EDNRA: variants seen among roughly 807,000 people sequenced by gnomAD.
The protein encoded by EDNRA is endothelin-1 receptor.
A neutral mutation model predicts 41.4 loss-of-function variants in EDNRA; 11 were observed. The ratio of observed to expected loss-of-function variants is 0.27; its 90% CI spans 0.17 to 0.44. The LOEUF (loss-of-function observed/expected upper bound fraction) is 0.44. Ranked by LOEUF, EDNRA falls within the 20% of genes least tolerant of loss-of-function variation. EDNRA has a pLI of 1.00. For synonymous variants in EDNRA, 172 were observed against 183.0 expected, an observed-to-expected ratio of 0.94 and a Z score of 0.49; for missense variants, 294 against 531.0, an observed-to-expected ratio of 0.55 and a Z score of 4.39.
At chr4:147,531,738 G>A (rs993433317) in intron 3 of EDNRA, 2 of 152,484 alleles carry the variant, frequency 1.3e-5, no homozygotes, top group Admixed American at 6.5e-5. Flanking sequence ...CGGGTGTGGT[G>A]GCTCACGCCT....
At chr4:147,515,856 G>A (rs1284315440) in intron 2 of EDNRA, among the ~76,000 whole-genome samples, 1 of 152,178 alleles carries the variant, frequency 6.6e-6, no homozygotes, top group African/African-American at 2.4e-5. Context: ...GTGCATATCA[G>A]TGTATCATAT....
intron 3 of EDNRA, among the ~76,000 whole-genome samples, chr4:147,529,432 G>A (rs996707636): frequency 1.3e-5 from 2 of 152,164 alleles, no homozygotes; most frequent in Non-Finnish European, 1.5e-5. Context: ...AGAGCGCATA[G>A]ACAGAAAAAA....
At chr4:147,536,914 T>A (rs1158422905) in intron 5 of EDNRA, among the ~76,000 whole-genome samples, 2 of 152,214 alleles carry the variant, frequency 1.3e-5, no homozygotes, top group Non-Finnish European at 1.5e-5. Flanking sequence ...ATAATATGTA[T>A]GTAATAATAC....
rs567139026 is a variant in EDNRA, at chr4:147,521,990, C to T, written c.548+2012C>T. Among the ~76,000 whole-genome samples, 8 of 152,150 alleles carry T rather than the reference C, an allele frequency of 5.3e-5. No individual in the cohort carries two copies. In the South Asian group the frequency reaches 1.7e-3, roughly 32 times the overall value. ...AATGTTTTAAACAATGTAATGCAAA[C>T]CCATGAACACACTGACAAATCAGTG... On this transcript the variant is annotated intron_variant, in intron 3 of 7. Coordinates refer to ENST00000651419, the MANE Select transcript of EDNRA (RefSeq NM_001957.4).
At chr4:147,536,074 C>A (rs749846484) in intron 5 of EDNRA, 45 bp downstream of exon 5, 3 of 1,607,184 alleles carry the variant, frequency 1.9e-6, no homozygotes, top group Non-Finnish European at 1.7e-6. Flanking sequence ...ACTGGTTAGT[C>A]CTTGACAGCA....
Position 147,542,688 on chromosome 4 carries a change from G to C in EDNRA, c.*70G>C, listed in dbSNP as rs5335. 0.44 allele frequency: 679,824 copies of C among 1,558,976 alleles called. 155,202 individuals carry two copies. The highest frequency in any genetic ancestry group is 0.73 in the African/African-American group (54,011 of 73,778). On this transcript the variant is annotated 3_prime_UTR_variant, in exon 8 of 8. Coordinates refer to ENST00000651419, the MANE Select transcript of EDNRA (RefSeq NM_001957.4). Reference sequence around the variant, plus strand: ...GAAAAAAATCACAAGGCAACTGTGAGTCCGGGAATCTCTTCTCTGATCCTT... The same window carrying C: ...GAAAAAAATCACAAGGCAACTGTGACTCCGGGAATCTCTTCTCTGATCCTT...
chr4:147,518,157 T>C (rs918306661), intron 2 of EDNRA, among the ~76,000 whole-genome samples: 2 of 152,228 alleles, frequency 1.3e-5, no homozygotes, highest in African/African-American at 4.8e-5. Flanking sequence ...TGAGCCAGAA[T>C]TCTAAATTCT....
intron 1 of EDNRA, among the ~76,000 whole-genome samples, chr4:147,485,066 A>G (rs1279155994): frequency 6.6e-6 from 1 of 151,370 alleles, no homozygotes; most frequent in Non-Finnish European, 1.5e-5. Context: ...TGTACCCTTT[A>G]CTCAGCATAT....
rs1234789502 is a variant in EDNRA at position 147,544,584 on chromosome 4, C to T, written c.*1966C>T. On this transcript the variant is annotated 3_prime_UTR_variant, in exon 8 of 8. Transcript: ENST00000651419. ...GCTTGAATTGCAAGGCTAAGAAGTA[C>T]TGCCCTTTTGTGTGTTAGCAGTCAA... 1 of 152,492 alleles carries T rather than the reference C, an allele frequency of 6.6e-6. No individual in the cohort carries two copies. The highest frequency in any genetic ancestry group is 1.9e-4 in the East Asian group (1 of 5,202). 9.4% of individuals were successfully genotyped at this position (152,492 alleles called of 1,614,324 possible).
intron 2 of EDNRA, among the ~76,000 whole-genome samples, chr4:147,501,767 T>C (rs930398825): frequency 2.6e-5 from 4 of 152,210 alleles, no homozygotes; most frequent in Admixed American, 2.6e-4. Flanking sequence ...ATAGGTTATA[T>C]AATCAATTGT....
chr4:147,485,747 T>C lies in EDNRA; in HGVS notation c.66T>C (p.Asn22=), dbSNP rs1349622413. The C allele has an allele frequency of 6.2e-7, 1 of 1,614,188 alleles. No individual in the cohort carries two copies. The highest frequency in any genetic ancestry group is 1.1e-5 in the South Asian group (1 of 91,076). The change falls in exon 2 of 8, where the codon AAT becomes AAC. Residue 22 remains asparagine, a synonymous_variant. Coordinates refer to ENST00000651419, the MANE Select transcript of EDNRA (RefSeq NM_001957.4). ...TGGTTGGATGTGTAATCAGTGATAA[T>C]CCTGAGAGATACAGCACAAATCTAA... ...LALVGCVISD[N]PERYSTNLSN...
intron 1 of EDNRA, among the ~76,000 whole-genome samples, chr4:147,485,250 G>T (rs1728903304): frequency 6.7e-6 from 1 of 148,520 alleles, no homozygotes; most frequent in African/African-American, 2.5e-5. Context: ...TATGTATAGA[G>T]ATGAGTGAGA....
intron 2 of EDNRA, among the ~76,000 whole-genome samples, chr4:147,504,957 C>CGAAAAAAAA (rs1729637701): frequency 2.6e-5 from 1 of 39,046 alleles, no homozygotes; most frequent in African/African-American, 1.2e-4. Context: ...GACCCTGTCT[C>CGAAAAAAAA]AAAAAAAAAA....
At chr4:147,488,656 A>T (rs1729026904) in intron 2 of EDNRA, 1 of 152,246 alleles carries the variant, frequency 6.6e-6, no homozygotes, top group East Asian at 1.9e-4. Flanking sequence ...AGAAAAAAGC[A>T]CTGGAGTGTG....
rs869077171 is a variant in EDNRA at position 147,505,327 on chromosome 4, A to ATTTTTTTTTTTTTTTTT, written c.421-14512_421-14496dup. ...AGAGAGTTTGGCAGTTTCTTTTTTCATTTTTTTTTTTTTTTTTTTTTTTTT... is the reference window on the plus strand; with the variant it reads ...AGAGAGTTTGGCAGTTTCTTTTTTCATTTTTTTTTTTTTTTTTTTTTTTTTTTTTTTTTTTTTTTTTT... On this transcript the variant is annotated intron_variant, in intron 2 of 7. Coordinates refer to ENST00000651419, the MANE Select transcript of EDNRA (RefSeq NM_001957.4). 1.1e-4 allele frequency among the ~76,000 whole-genome samples: 9 copies of ATTTTTTTTTTTTTTTTT among 79,696 alleles called. 1 individual carries two copies. Among genetic ancestry groups the ATTTTTTTTTTTTTTTTT allele is most frequent in the African/African-American group, 2.6e-4 (5 of 18,878 alleles). 52.3% of individuals were successfully genotyped at this position (79,696 alleles called of 152,430 possible). A position where few individuals can be genotyped will look rare whatever the true frequency, so the allele number is the denominator to read the frequency against.
At chr4:147,505,854 C>G (rs1296577115) in intron 2 of EDNRA, among the ~76,000 whole-genome samples, 2 of 151,796 alleles carry the variant, frequency 1.3e-5, no homozygotes, top group South Asian at 2.1e-4. Context: ...TTCACCGTGT[C>G]AGCCAGGATG....
chr4:147,512,848 T>C (rs946132012), intron 2 of EDNRA, among the ~76,000 whole-genome samples: 11 of 152,178 alleles, frequency 7.2e-5, no homozygotes, highest in Admixed American at 7.2e-4. Flanking sequence ...TTTGTTCTTG[T>C]GTGGCCTGCC....
At chr4:147,541,852 T>G (rs1731114646) in intron 7 of EDNRA, among the ~76,000 whole-genome samples, 1 of 152,186 alleles carries the variant, frequency 6.6e-6, no homozygotes, top group Admixed American at 6.5e-5. Flanking sequence ...TAATTATTAC[T>G]TACTCATTAA....
In EDNRA at chr4:147,517,003, A is replaced by AG. The variant is rs564628201; in HGVS notation, c.421-2848_421-2847insG. ...CTTGTTTTCTTTTTGTAAAAAAAAAAAGCATATGCTTCTATGTACATAGGA... is the reference window on the plus strand; with the variant it reads ...CTTGTTTTCTTTTTGTAAAAAAAAAAGAGCATATGCTTCTATGTACATAGGA... On this transcript the variant is annotated intron_variant, in intron 2 of 7. Coordinates refer to ENST00000651419, the MANE Select transcript of EDNRA (RefSeq NM_001957.4). Among the ~76,000 whole-genome samples, 104 of 152,080 alleles carry AG rather than the reference A, an allele frequency of 6.8e-4. 1 individual carries two copies. Among genetic ancestry groups the AG allele is most frequent in the African/African-American group, 2.3e-3 (94 of 41,418 alleles).
Sources: gnomAD v4.1 joint callset for allele counts (sites outside exome capture counted in the v4.1 genomes callset) on GRCh38, gnomAD v4.1.1 for gene constraint, MANE v1.5 for transcripts, NCBI Gene and HGNC (gene_info 2026-07-23, HGNC 2026-07-21) for gene names.